The following STAG2 variants were observed in gnomAD, a reference collection of about 807,000 sequenced individuals.
STAG2 encodes the protein cohesin subunit SA-2.
In STAG2, 14 loss-of-function variants were observed where a neutral mutation model predicts 108.1. That is an observed-to-expected ratio of 0.13 (90% CI 0.09 to 0.20). STAG2 has a LOEUF of 0.20. STAG2 is among the 10% of genes least tolerant of loss of function. The probability of loss-of-function intolerance (pLI) is 1.00; values close to 1 mark genes in which losing one functional copy is unlikely to be tolerated. For missense variants in STAG2, 440 were observed against 940.9 expected (o/e 0.47, Z 6.96); for synonymous variants, 307 against 302.7 (o/e 1.01, Z -0.15).
intron 32 of STAG2, among the ~76,000 whole-genome samples, chrX:124,092,235 C>T (rs1349345863): frequency 9.0e-6 from 1 of 111,572 alleles, no homozygotes; most frequent in Admixed American, 9.5e-5. Flanking sequence ...GTCTTAACCT[C>T]TAGAGACACA....
intron 7 of STAG2, among the ~76,000 whole-genome samples, chrX:124,043,513 C>A (rs752313497): frequency 9.0e-6 from 1 of 111,230 alleles, no homozygotes; most frequent in Admixed American, 9.5e-5. Context: ...AAGGCTGTTA[C>A]GAAGATTGAA....
chrX:123,993,324 TC>T (rs1403179643), intron 1 of STAG2, among the ~76,000 whole-genome samples: 15 of 111,342 alleles, frequency 1.3e-4, no homozygotes, highest in Non-Finnish European at 3.8e-5. Context: ...TTAAAGAAAA[TC>T]GGGGAAGATC....
chrX:124,047,883 C>G (rs768605038), intron 9 of STAG2, among the ~76,000 whole-genome samples: 8 of 112,019 alleles, frequency 7.1e-5, no homozygotes, highest in African/African-American at 2.3e-4. Flanking sequence ...TGTTTATTGG[C>G]ATCTAAATCA....
At chrX:124,048,895 T>C (rs1170242627) in intron 9 of STAG2, 110 bp from the exon 10 acceptor site, 2 of 568,936 alleles carry the variant, frequency 3.5e-6, no homozygotes, top group East Asian at 7.3e-5. Flanking sequence ...TAATTCAAAA[T>C]TCCCCAAAAT....
At chrX:124,037,689 ATGT>A (rs1181484219) in intron 6 of STAG2, 66 bp downstream of exon 6, 2 of 652,825 alleles carry the variant, frequency 3.1e-6, no homozygotes, top group Non-Finnish European at 4.6e-6. Flanking sequence ...ACCTAAAGAG[ATGT>A]TGTTAGCACT....
chrX:123,978,944 T>G (rs1434930104), intron 1 of STAG2, among the ~76,000 whole-genome samples: 1 of 111,869 alleles, frequency 8.9e-6, no homozygotes, highest in Non-Finnish European at 1.9e-5. Flanking sequence ...AGGGTTTTGC[T>G]GGCATGGTAG....
chrX:123,970,273 C>T (rs957165197), intron 1 of STAG2, among the ~76,000 whole-genome samples: 1 of 110,081 alleles, frequency 9.1e-6, no homozygotes, highest in Non-Finnish European at 1.9e-5. Context: ...TGTTCCATGA[C>T]AGAATTATTC....
intron 1 of STAG2, among the ~76,000 whole-genome samples, chrX:123,992,046 T>TCGG (rs2055507714): frequency 8.9e-6 from 1 of 112,433 alleles, no homozygotes; most frequent in Non-Finnish European, 1.9e-5. Context: ...TGGGAGGATG[T>TCGG]ACGTAGGTTA....
intron 6 of STAG2, among the ~76,000 whole-genome samples, chrX:124,039,677 G>C (rs1205232428): frequency 9.9e-6 from 1 of 101,221 alleles, no homozygotes; most frequent in Non-Finnish European, 2.0e-5. Context: ...TTTTTGTAGA[G>C]ACAGGTCTTT....
chrX:124,064,093 C>A, intron 20 of STAG2, 42 bp downstream of exon 20: 1 of 991,110 alleles, frequency 1.0e-6, no homozygotes, highest in East Asian at 3.2e-5. Context: ...CAGTTGAGCC[C>A]CTCTACTGCA....
At chrX:124,034,450 T>TA (rs1354484145) in intron 5 of STAG2, among the ~76,000 whole-genome samples, 1 of 112,252 alleles carries the variant, frequency 8.9e-6, no homozygotes, top group East Asian at 2.8e-4. Flanking sequence ...CCACTTGTGT[T>TA]ACCCTTTTAA....
intron 7 of STAG2, among the ~76,000 whole-genome samples, chrX:124,043,008 CCAT>C (rs926284952): frequency 9.5e-6 from 1 of 105,459 alleles, no homozygotes; most frequent in African/African-American, 3.5e-5. Context: ...GAGTGAGACT[CCAT>C]CAAAAAAAAA....
At chrX:124,012,760 A>G (rs2056561499) in intron 1 of STAG2, among the ~76,000 whole-genome samples, 1 of 112,244 alleles carries the variant, frequency 8.9e-6, no homozygotes, top group Admixed American at 9.5e-5. Context: ...TTCATTCTCT[A>G]TAAAGTGGTT....
chrX:124,099,818 C>T (rs745750128), intron 34 of STAG2, among the ~76,000 whole-genome samples: 8 of 111,438 alleles, frequency 7.2e-5, no homozygotes, highest in Non-Finnish European at 1.5e-4. Flanking sequence ...TTTAATTGAA[C>T]AACCTAACTT....
intron 34 of STAG2, among the ~76,000 whole-genome samples, chrX:124,096,807 C>G (rs1213092023): frequency 8.9e-6 from 1 of 112,113 alleles, no homozygotes; most frequent in Non-Finnish European, 1.9e-5. Context: ...CCACCTTGCC[C>G]TCTCCTACCT....
chrX:123,977,286 T>C (rs1008574463), intron 1 of STAG2, among the ~76,000 whole-genome samples: 16 of 112,034 alleles, frequency 1.4e-4, no homozygotes, highest in Admixed American at 1.9e-4. Context: ...TGAAACAAAA[T>C]GTTAATCTAA....
At chrX:124,078,503 A>G (rs959593244) in intron 27 of STAG2, among the ~76,000 whole-genome samples, 66 of 111,895 alleles carry the variant, frequency 5.9e-4, no homozygotes, top group African/African-American at 2.1e-3. Flanking sequence ...CCGTTGTACA[A>G]CACTTAAAAT....
At chrX:124,056,606 G>A (rs1052846802) in intron 14 of STAG2, among the ~76,000 whole-genome samples, 4 of 107,307 alleles carry the variant, frequency 3.7e-5, no homozygotes, top group Non-Finnish European at 7.7e-5. Context: ...GGTGGCGGGC[G>A]CCTGTAGTCC....
chrX:124,035,473 A>G (rs1385800730), intron 5 of STAG2, among the ~76,000 whole-genome samples: 6 of 111,790 alleles, frequency 5.4e-5, no homozygotes, highest in Admixed American at 3.8e-4. Context: ...CTATTGATGC[A>G]TAACAAACCA....
Sources: gnomAD v4.1 joint callset for allele counts (sites outside exome capture counted in the v4.1 genomes callset) on GRCh38, gnomAD v4.1.1 for gene constraint, MANE v1.5 for transcripts, NCBI Gene and HGNC (gene_info 2026-07-23, HGNC 2026-07-21) for gene names.